Variants in DOCK11 observed in about 807,000 individuals in gnomAD.
DOCK11 encodes dedicator of cytokinesis protein 11.
In DOCK11, 70 loss-of-function variants were observed where a neutral mutation model predicts 169.1. The ratio of observed to expected loss-of-function variants is 0.41; its 90% CI spans 0.34 to 0.51. DOCK11 has a LOEUF of 0.51. DOCK11 is among the 20% of genes least tolerant of loss of function. The pLI, the probability that DOCK11 is intolerant of heterozygous loss-of-function variation, is 0.10. For synonymous variants in DOCK11, 529 were observed against 541.3 expected, an observed-to-expected ratio of 0.98 and a Z score of 0.32; for missense variants, 1,166 against 1,538.8, an observed-to-expected ratio of 0.76 and a Z score of 4.05.
intron 4 of DOCK11, 79 bp downstream of exon 4, chrX:118,543,672 C>T (rs974419452): frequency 2.1e-5 from 18 of 852,174 alleles, no homozygotes; most frequent in South Asian, 1.0e-4. Context: ...CTTGTGAGGC[C>T]GGGTGCAGTG....
At chrX:118,576,596 G>A (rs2013456421) in intron 12 of DOCK11, among the ~76,000 whole-genome samples, 3 of 112,155 alleles carry the variant, frequency 2.7e-5, no homozygotes, top group African/African-American at 9.7e-5. Context: ...CAAATAAGGT[G>A]CGTGGTTCTA....
chrX:118,575,044 AT>A (rs1169776692), intron 12 of DOCK11, among the ~76,000 whole-genome samples: 1 of 111,893 alleles, frequency 8.9e-6, no homozygotes, highest in African/African-American at 3.2e-5. Context: ...AAGGAGATTG[AT>A]TTTTTTCTAA....
chrX:118,638,150 T>G (rs2015439404), intron 37 of DOCK11, 23 bp downstream of exon 37: 2 of 1,191,107 alleles, frequency 1.7e-6, no homozygotes, highest in East Asian at 5.9e-5. Flanking sequence ...GCACTGCAAT[T>G]TCTACTTTTT....
Position 118,616,376 on chromosome X carries a change from C to T in DOCK11, c.3292+665C>T, listed in dbSNP as rs1022092787. On this transcript the variant is annotated intron_variant, in intron 30 of 52. Coordinates refer to ENST00000276202, the MANE Select transcript of DOCK11 (RefSeq NM_144658.4). Reference sequence around the variant, plus strand: ...CCAAAATGAGGCTTTAGTTAAAGTACCCAGAAAATCTAGGAGGCAGTGTGT... The same window carrying T: ...CCAAAATGAGGCTTTAGTTAAAGTATCCAGAAAATCTAGGAGGCAGTGTGT... 47 of 310,603 alleles carry T rather than the reference C, an allele frequency of 1.5e-4. No homozygotes were observed. In the Middle Eastern group the frequency reaches 3.0e-3, roughly 20 times the overall value. The allele number at this position is 310,603 out of a possible 1,213,427, so 25.6% of individuals were successfully genotyped here. A position where few individuals can be genotyped will look rare whatever the true frequency, so the allele number is the denominator to read the frequency against.
chrX:118,578,916 C>T (rs1266502456), intron 13 of DOCK11, among the ~76,000 whole-genome samples: 4 of 111,792 alleles, frequency 3.6e-5, no homozygotes, highest in East Asian at 2.8e-4. Context: ...TGACAATAGC[C>T]GTTCTTTTCC....
intron 23 of DOCK11, 68 bp downstream of exon 23, chrX:118,599,296 GA>G (rs1176762022): frequency 3.4e-3 from 2,311 of 687,428 alleles, no homozygotes; most frequent in South Asian, 4.9e-3. Flanking sequence ...ATTTTGGTGT[GA>G]AAAAAAAAAG....
chrX:118,582,773 G>A (rs188137031), intron 14 of DOCK11, among the ~76,000 whole-genome samples: 136 of 111,515 alleles, frequency 1.2e-3, no homozygotes, highest in African/African-American at 4.2e-3. Context: ...TAAAAAGTCA[G>A]GAAACAACAG....
chrX:118,542,271 A>C (rs1343598122), intron 1 of DOCK11, among the ~76,000 whole-genome samples: 1 of 109,163 alleles, frequency 9.2e-6, no homozygotes. Context: ...CCCAGGCTCA[A>C]GTGATCCTCC....
chrX:118,532,849 C>A (rs779163327), intron 1 of DOCK11, among the ~76,000 whole-genome samples: 1 of 108,499 alleles, frequency 9.2e-6, no homozygotes, highest in African/African-American at 3.4e-5. Flanking sequence ...ACGTAAATCA[C>A]CTCACCATAT....
chrX:118,637,396 A>C (rs1429422769), intron 36 of DOCK11, among the ~76,000 whole-genome samples: 1 of 111,822 alleles, frequency 8.9e-6, no homozygotes, highest in Non-Finnish European at 1.9e-5. Flanking sequence ...AAAGTATTTT[A>C]ATGCTATTAT....
intron 46 of DOCK11, among the ~76,000 whole-genome samples, chrX:118,672,552 C>T (rs1212639324): frequency 8.9e-6 from 1 of 112,891 alleles, no homozygotes; most frequent in Admixed American, 9.3e-5. Flanking sequence ...CCTGCTTCAG[C>T]CTCCTGAGTA....
intron 6 of DOCK11, among the ~76,000 whole-genome samples, chrX:118,549,807 T>A (rs1287606521): frequency 9.0e-6 from 1 of 111,084 alleles, no homozygotes; most frequent in African/African-American, 3.3e-5. Flanking sequence ...ACTCAAGTGA[T>A]CCTCCCACCT....
At chrX:118,605,123 T>G in intron 23 of DOCK11, 115 bp from the exon 24 acceptor site, 8 of 456,154 alleles carry the variant, frequency 1.8e-5, no homozygotes, top group Non-Finnish European at 2.6e-5. Flanking sequence ...CACTTTTAAT[T>G]GAGCTTATAT....
At chrX:118,546,921 T>C (rs377420890) in intron 6 of DOCK11, among the ~76,000 whole-genome samples, 109 of 111,658 alleles carry the variant, frequency 9.8e-4, no homozygotes, top group African/African-American at 3.5e-3. Context: ...TCCCAGGAGA[T>C]GGAGGTTGCA....
At chrX:118,514,989 C>T (rs1271041506) in intron 1 of DOCK11, among the ~76,000 whole-genome samples, 1 of 111,856 alleles carries the variant, frequency 8.9e-6, no homozygotes, top group East Asian at 2.8e-4. Flanking sequence ...TATCACTAGG[C>T]CTCACTCCTT....
Position 118,626,044 on chromosome X carries a change from T to C in DOCK11, c.3588+1389T>C, listed in dbSNP as rs6646248. On this transcript the variant is annotated intron_variant, in intron 32 of 52. Coordinates refer to ENST00000276202, the MANE Select transcript of DOCK11 (RefSeq NM_144658.4). The stretch of plus-strand genomic sequence containing the variant: ...CCAAGCCACCAAATATCTCCACTAA[T>C]CTGTCATTCCAAATCCTTTACTTTT... 9.0e-3 allele frequency among the ~76,000 whole-genome samples: 972 copies of C among 108,041 alleles called. 4 individuals are homozygous for C. Among genetic ancestry groups the C allele is most frequent in the African/African-American group, 0.031 (926 of 29,444 alleles). 93.8% of individuals were successfully genotyped at this position (108,041 alleles called of 115,157 possible).
intron 1 of DOCK11, among the ~76,000 whole-genome samples, chrX:118,501,490 A>C (rs1253964799): frequency 8.9e-6 from 1 of 112,151 alleles, no homozygotes; most frequent in Non-Finnish European, 1.9e-5. Flanking sequence ...CGACTCAAAA[A>C]AAGTAATAAT....
At chrX:118,658,402 A>C (rs1437339034) in intron 44 of DOCK11, among the ~76,000 whole-genome samples, 1 of 112,732 alleles carries the variant, frequency 8.9e-6, no homozygotes, top group Non-Finnish European at 1.9e-5. Context: ...TAAGGAAAAA[A>C]AATACTTTGC....
rs563641407 is a variant in DOCK11, at chrX:118,503,785, C to T, written c.102+7712C>T. Among the ~76,000 whole-genome samples, 5 of 111,160 alleles carry T rather than the reference C, an allele frequency of 4.5e-5. No individual in the cohort carries two copies. In the South Asian group the frequency reaches 1.5e-3, roughly 34 times the overall value. ...GAGTGGACAGAGATGAAATTGTAGGCGAGATTAGCTGATTGAAGAGGTTTG... is the reference window on the plus strand; with the variant it reads ...GAGTGGACAGAGATGAAATTGTAGGTGAGATTAGCTGATTGAAGAGGTTTG... On this transcript the variant is annotated intron_variant, in intron 1 of 52. Transcript: ENST00000276202.
Sources: gnomAD v4.1 joint callset for allele counts (sites outside exome capture counted in the v4.1 genomes callset) on GRCh38, gnomAD v4.1.1 for gene constraint, MANE v1.5 for transcripts, NCBI Gene and HGNC (gene_info 2026-07-23, HGNC 2026-07-21) for gene names.